The following CSPP1 variants were observed in gnomAD, a reference collection of about 807,000 sequenced individuals.
The protein encoded by CSPP1 is centrosome and spindle pole associated protein 1.
In CSPP1, 126 loss-of-function variants were observed where a neutral mutation model predicts 164.4. The observed-to-expected ratio is 0.77, with a 90% CI of 0.66 to 0.89. The LOEUF (loss-of-function observed/expected upper bound fraction) is 0.89. Among genes scored for constraint, CSPP1 ranks in the 40% least tolerant of loss-of-function variants. CSPP1 has a pLI of 0.00. For missense variants in CSPP1, 1,395 were observed against 1,449.8 expected (o/e 0.96, Z 0.61); for synonymous variants, 472 against 476.7 (o/e 0.99, Z 0.13).
chr8:67,131,828 T>G (rs1467264663), intron 15 of CSPP1, 123 bp from the exon 16 acceptor site: 3 of 837,040 alleles, frequency 3.6e-6, no homozygotes, highest in Non-Finnish European at 5.2e-6. Context: ...CTTTGGCCTA[T>G]AGAGAAATAT....
Position 67,196,110 on chromosome 8 carries a change from G to A in CSPP1, c.*517G>A, listed in dbSNP as rs1192891947. On this transcript the variant is annotated 3_prime_UTR_variant, in exon 31 of 31. Coordinates refer to ENST00000678616, the MANE Select transcript of CSPP1 (RefSeq NM_001382391.1). ...TGATACAGCAGAAATGAAGGGAACT[G>A]TAATTACTTGTATTTTTGTAAGCCA... The A allele has an allele frequency of 1.3e-5, 2 of 152,720 alleles. No individual in the cohort carries two copies. The highest frequency in any genetic ancestry group is 2.4e-5 in the African/African-American group (1 of 41,430). The allele number at this position is 152,720 out of a possible 1,614,324, so 9.5% of individuals were successfully genotyped here.
intron 30 of CSPP1, 111 bp downstream of exon 30, chr8:67,193,713 C>CT: frequency 1.9e-5 from 18 of 932,410 alleles, no homozygotes; most frequent in Non-Finnish European, 2.9e-5. Context: ...GTTTGAAGAC[C>CT]TTTGAGTTGT....
At chr8:67,129,555 G>T (rs12681862) in intron 15 of CSPP1, among the ~76,000 whole-genome samples, 1 of 152,072 alleles carries the variant, frequency 6.6e-6, no homozygotes, top group Admixed American at 6.5e-5. Context: ...CAAAGACTTG[G>T]ATGTGAATGT....
chr8:67,172,054 GC>G (rs1489207586), intron 24 of CSPP1, among the ~76,000 whole-genome samples: 1 of 151,008 alleles, frequency 6.6e-6, no homozygotes, highest in Non-Finnish European at 1.5e-5. Flanking sequence ...CTCCACGTTG[GC>G]CCAGTCTGGT....
intron 24 of CSPP1, among the ~76,000 whole-genome samples, chr8:67,166,157 C>T (rs1829266349): frequency 6.6e-6 from 1 of 152,126 alleles, no homozygotes; most frequent in Non-Finnish European, 1.5e-5. Context: ...TTTCCAGATG[C>T]CTCAGGATCA....
At chr8:67,143,095 C>G (rs1823827609) in intron 17 of CSPP1, among the ~76,000 whole-genome samples, 1 of 151,766 alleles carries the variant, frequency 6.6e-6, no homozygotes, top group Non-Finnish European at 1.5e-5. Flanking sequence ...TCCTAATGTC[C>G]TTATTGTATT....
chr8:67,164,927 A>G (rs1159885763), intron 24 of CSPP1, among the ~76,000 whole-genome samples: 1 of 152,156 alleles, frequency 6.6e-6, no homozygotes, highest in Non-Finnish European at 1.5e-5. Flanking sequence ...GTGGGTAACT[A>G]CCACATTTTC....
At chr8:67,178,377 A>G (rs557449243) in intron 27 of CSPP1, among the ~76,000 whole-genome samples, 11 of 152,328 alleles carry the variant, frequency 7.2e-5, no homozygotes, top group Non-Finnish European at 1.5e-4. Context: ...GCTCTTTTCA[A>G]TCAACAAATA....
intron 24 of CSPP1, among the ~76,000 whole-genome samples, chr8:67,167,608 T>C (rs1022162251): frequency 7.5e-5 from 11 of 147,632 alleles, no homozygotes; most frequent in Non-Finnish European, 1.5e-4. Context: ...GAGGGGCTCC[T>C]CACTTCTCAG....
At chr8:67,172,031 A>T (rs764758773) in intron 24 of CSPP1, among the ~76,000 whole-genome samples, 1 of 147,452 alleles carries the variant, frequency 6.8e-6, no homozygotes, top group Non-Finnish European at 1.5e-5. Flanking sequence ...TATTTTTAGT[A>T]GACATGGGGT....
intron 22 of CSPP1, 56 bp downstream of exon 22, chr8:67,161,971 A>T: frequency 8.8e-7 from 1 of 1,139,396 alleles, no homozygotes; most frequent in Non-Finnish European, 1.3e-6. Context: ...GGATTGGGGG[A>T]TCGAATGAAA....
chr8:67,134,360 A>G (rs1302796782), intron 16 of CSPP1: 5 of 152,178 alleles, frequency 3.3e-5, no homozygotes, highest in Admixed American at 3.3e-4. Context: ...ACCTTCTTGT[A>G]TATCTAGCTC....
chr8:67,103,350 A>G (rs1344152349), intron 8 of CSPP1, among the ~76,000 whole-genome samples: 1 of 152,236 alleles, frequency 6.6e-6, no homozygotes, highest in East Asian at 1.9e-4. Flanking sequence ...AGTTTTGGTT[A>G]TAAAGTGTGC....
chr8:67,174,236 T>C (rs1164289329), intron 25 of CSPP1: 1 of 152,184 alleles, frequency 6.6e-6, no homozygotes, highest in Non-Finnish European at 1.5e-5. Context: ...TCCAAGTTTA[T>C]GTGTCCAGAA....
intron 16 of CSPP1, chr8:67,134,283 A>C (rs1246195127): frequency 6.6e-6 from 1 of 152,256 alleles, no homozygotes; most frequent in African/African-American, 2.4e-5. Flanking sequence ...ATTCAGTGTC[A>C]AAATTACTCC....
rs760082779 is a variant in CSPP1 at position 67,195,383 on chromosome 8, T to TG, written c.3472dup (p.Asp1158GlyfsTer2). On this transcript the variant is annotated frameshift_variant and splice_region_variant, in exon 31 of 31. Transcript: ENST00000678616. LOFTEE classifies it high-confidence loss of function. Reference sequence around the variant, plus strand: ...CCACGTGTCCCTTGCCTCCTGTAGATGATGAGAGTTCACTGGTTGACCCTG... The same window carrying TG: ...CCACGTGTCCCTTGCCTCCTGTAGATGGATGAGAGTTCACTGGTTGACCCTG... The TG allele has an allele frequency of 6.2e-7, 1 of 1,612,690 alleles. No individual in the cohort carries two copies. The highest frequency in any genetic ancestry group is 8.5e-7 in the Non-Finnish European group (1 of 1,178,804).
chr8:67,100,644 G>C (rs1461176914), intron 7 of CSPP1, among the ~76,000 whole-genome samples: 3 of 150,992 alleles, frequency 2.0e-5, no homozygotes, highest in Non-Finnish European at 4.4e-5. Flanking sequence ...CAGTGGTACA[G>C]TCTTGGCTCA....
chr8:67,077,214 C>G (rs1346200939), intron 3 of CSPP1, among the ~76,000 whole-genome samples: 1 of 152,114 alleles, frequency 6.6e-6, no homozygotes, highest in Non-Finnish European at 1.5e-5. Context: ...AGTGCAGTGG[C>G]ATGATCATAG....
Position 67,164,458 on chromosome 8 carries a change from T to C in CSPP1, c.2778T>C (p.Arg926=), listed in dbSNP as rs1246415831. The change falls in exon 24 of 31, where the codon CGT becomes CGC. Residue 926 remains arginine (R), a synonymous_variant. Coordinates refer to ENST00000678616, the MANE Select transcript of CSPP1 (RefSeq NM_001382391.1). ...MRKQLRSEER[R]LQERLLHMDS... ...AACAGCTTCGTAGTGAAGAGAGGCG[T>C]CTACAAGAGCGATTGCTACACATGG... 1.9e-6 allele frequency: 3 copies of C among 1,607,360 alleles called. No individual in the cohort carries two copies. Among genetic ancestry groups the C allele is most frequent in the Admixed American group, 1.7e-5 (1 of 59,964 alleles).
Sources: allele counts gnomAD v4.1 joint callset (sites outside exome capture counted in the v4.1 genomes callset), GRCh38; gene constraint gnomAD v4.1.1; transcripts MANE v1.5; gene names NCBI Gene and HGNC (gene_info 2026-07-23, HGNC 2026-07-21).